Variants in FAT3 observed in about 807,000 individuals in gnomAD.
FAT3 encodes protocadherin Fat 3.
Under a neutral mutation model 310.2 loss-of-function variants are expected in FAT3, and 95 were observed. The ratio of observed to expected loss-of-function variants is 0.31; its 90% CI spans 0.26 to 0.36. FAT3 has a LOEUF of 0.36. FAT3 is among the 10% of genes least tolerant of loss of function. The probability of loss-of-function intolerance (pLI) is 1.00; values close to 1 mark genes in which losing one functional copy is unlikely to be tolerated. For synonymous variants in FAT3, 2,314 were observed against 2,192.9 expected (o/e 1.06, Z -1.54); for missense variants, 5,408 against 5,715.6 (o/e 0.95, Z 1.74).
At chr11:92,562,561 G>C (rs1955268813) in intron 3 of FAT3, among the ~76,000 whole-genome samples, 1 of 152,158 alleles carries the variant, frequency 6.6e-6, no homozygotes, top group Non-Finnish European at 1.5e-5. Flanking sequence ...TATGGGAATT[G>C]GCTCACACAA....
chr11:92,596,647 A>G (rs905206622), intron 3 of FAT3, among the ~76,000 whole-genome samples: 2 of 152,204 alleles, frequency 1.3e-5, no homozygotes, highest in Admixed American at 1.3e-4. Context: ...TCCAATTATA[A>G]GAACAACAAA....
chr11:92,412,730 T>TATATATATATAC, intron 2 of FAT3, among the ~76,000 whole-genome samples: 1 of 22,886 alleles, frequency 4.4e-5, no homozygotes. Flanking sequence ...TATATATATA[T>TATATATATATAC]ATATATATAT....
intron 2 of FAT3, among the ~76,000 whole-genome samples, chr11:92,445,193 T>C (rs1347912924): frequency 6.6e-6 from 1 of 152,212 alleles, no homozygotes; most frequent in African/African-American, 2.4e-5. Context: ...GGTACTTTGT[T>C]ATGGCAGCCT....
chr11:92,866,702 G>T (rs1330435540), intron 21 of FAT3, 39 bp from the exon 22 acceptor site: 8 of 1,562,226 alleles, frequency 5.1e-6, no homozygotes, highest in Non-Finnish European at 7.0e-6. Context: ...ATTCCCAGTT[G>T]CATGTTGAAA....
At chr11:92,867,272 G>T (rs1949274268) in intron 22 of FAT3, 63 bp downstream of exon 22, 1 of 1,443,962 alleles carries the variant, frequency 6.9e-7, no homozygotes, top group Non-Finnish European at 9.2e-7. Context: ...ATGAACTGCA[G>T]GGGGATCCCT....
At chr11:92,793,884 G>A (rs532510093) in intron 9 of FAT3, among the ~76,000 whole-genome samples, 1 of 151,896 alleles carries the variant, frequency 6.6e-6, no homozygotes, top group African/African-American at 2.4e-5. Context: ...ATGAATGCTA[G>A]AATGACAGTT....
At chr11:92,234,597 C>T (rs1003827189) in intron 1 of FAT3, among the ~76,000 whole-genome samples, 11 of 151,806 alleles carry the variant, frequency 7.2e-5, no homozygotes, top group Admixed American at 2.0e-4. Flanking sequence ...AGTGAAACTC[C>T]GTCTCTACTA....
chr11:92,642,675 G>A (rs1271022413), intron 3 of FAT3, among the ~76,000 whole-genome samples: 1 of 152,216 alleles, frequency 6.6e-6, no homozygotes, highest in East Asian at 1.9e-4. Flanking sequence ...CATTTCTAGA[G>A]AGCATTGAGA....
At chr11:92,540,465 AG>A (rs900429587) in intron 3 of FAT3, among the ~76,000 whole-genome samples, 2 of 152,186 alleles carry the variant, frequency 1.3e-5, no homozygotes, top group Non-Finnish European at 2.9e-5. Context: ...GTTGTAAAAA[AG>A]CTATTTTAAA....
chr11:92,679,841 C>CAAAAAAA lies in FAT3; in HGVS notation c.3608-17522_3608-17516dup, dbSNP rs71064721. Among the ~76,000 whole-genome samples, 87 of 57,220 alleles carry CAAAAAAA rather than the reference C, an allele frequency of 1.5e-3. 3 individuals are homozygous for CAAAAAAA. Among genetic ancestry groups the CAAAAAAA allele is most frequent in the South Asian group, 3.0e-3 (3 of 1,014 alleles). 37.5% of individuals were successfully genotyped at this position (57,220 alleles called of 152,430 possible). A position where few individuals can be genotyped will look rare whatever the true frequency, so the allele number is the denominator to read the frequency against. On this transcript the variant is annotated intron_variant, in intron 3 of 27. Coordinates refer to ENST00000525166, the MANE Select transcript of FAT3 (RefSeq NM_001367949.2). ...TGGGCGACAGAGCGAGACTCCATCT[C>CAAAAAAA]AAAAAAAAAAAAAAAAAAAAAAAAA...
chr11:92,395,799 G>A (rs918498486), intron 2 of FAT3, among the ~76,000 whole-genome samples: 4 of 151,952 alleles, frequency 2.6e-5, no homozygotes, highest in Non-Finnish European at 5.9e-5. Context: ...GGCTGGTCTC[G>A]AACTCCTGAC....
intron 1 of FAT3, among the ~76,000 whole-genome samples, chr11:92,266,757 G>T (rs573075851): frequency 6.6e-6 from 1 of 152,192 alleles, no homozygotes; most frequent in South Asian, 2.1e-4. Flanking sequence ...TCTTCTGTTT[G>T]TTGGGATGGT....
At chr11:92,779,123 C>T (rs1041965089) in intron 7 of FAT3, among the ~76,000 whole-genome samples, 8 of 151,986 alleles carry the variant, frequency 5.3e-5, no homozygotes, top group African/African-American at 1.9e-4. Context: ...TCACAAGGAG[C>T]ATTGGCTGTT....
chr11:92,617,066 G>A (rs1026812362), intron 3 of FAT3, among the ~76,000 whole-genome samples: 1 of 152,160 alleles, frequency 6.6e-6, no homozygotes, highest in African/African-American at 2.4e-5. Flanking sequence ...ATATCCTGTA[G>A]AGTGTTTTCC....
At chr11:92,592,417 G>A (rs1265217289) in intron 3 of FAT3, among the ~76,000 whole-genome samples, 3 of 148,950 alleles carry the variant, frequency 2.0e-5, no homozygotes, top group African/African-American at 7.5e-5. Flanking sequence ...CACCTCCCAG[G>A]TTCAAGCAAT....
At chr11:92,888,801 G>A (rs1484912472) in intron 25 of FAT3, among the ~76,000 whole-genome samples, 1 of 152,096 alleles carries the variant, frequency 6.6e-6, no homozygotes, top group Non-Finnish European at 1.5e-5. Context: ...AATTATCCCC[G>A]GAAATAGTGA....
chr11:92,524,283 C>T (rs1953779355), intron 2 of FAT3, among the ~76,000 whole-genome samples: 1 of 152,038 alleles, frequency 6.6e-6, no homozygotes, highest in Admixed American at 6.6e-5. Context: ...TCCCATGAAA[C>T]ATGGGAAGTG....
chr11:92,843,325 A>C (rs1376455952), intron 18 of FAT3, among the ~76,000 whole-genome samples: 1 of 152,204 alleles, frequency 6.6e-6, no homozygotes, highest in Non-Finnish European at 1.5e-5. Context: ...TCCACCTTGC[A>C]TGCGATGGGT....
intron 22 of FAT3, among the ~76,000 whole-genome samples, chr11:92,879,957 G>GT (rs928353783): frequency 2.0e-5 from 3 of 151,520 alleles, no homozygotes; most frequent in Non-Finnish European, 2.9e-5. Flanking sequence ...AAATCTTACG[G>GT]TTTTTTTTAA....
Sources: allele counts gnomAD v4.1 joint callset (sites outside exome capture counted in the v4.1 genomes callset), GRCh38; gene constraint gnomAD v4.1.1; transcripts MANE v1.5; gene names NCBI Gene and HGNC (gene_info 2026-07-23, HGNC 2026-07-21).